SHANK2: variants seen among roughly 807,000 people sequenced by gnomAD.
SHANK2 encodes SH3 and multiple ankyrin repeat domains 2, also known as SH3 and multiple ankyrin repeat domains protein 2.
In SHANK2, 43 loss-of-function variants were observed where a neutral mutation model predicts 133.7. The observed-to-expected ratio is 0.32, with a 90% CI of 0.25 to 0.41. The LOEUF (loss-of-function observed/expected upper bound fraction) is 0.41. SHANK2 is among the 10% of genes least tolerant of loss of function. SHANK2 has a pLI of 1.00. For missense variants in SHANK2, 1,994 were observed against 2,235.8 expected, an observed-to-expected ratio of 0.89 and a Z score of 2.18; for synonymous variants, 1,017 against 952.8, an observed-to-expected ratio of 1.07 and a Z score of -1.24.
chr11:70,599,905 G>GAAAGAAAAAGAAAGAAAGAGAA (rs1466206835), intron 17 of SHANK2, among the ~76,000 whole-genome samples: 71 of 73,750 alleles, frequency 9.6e-4, no homozygotes, highest in East Asian at 4.9e-3. Flanking sequence ...AAGAAAGAAA[G>GAAAGAAAAAGAAAGAAAGAGAA]AGAAAGAAAG....
chr11:71,140,655 T>C (rs1213821774), intron 3 of SHANK2, among the ~76,000 whole-genome samples: 4 of 152,318 alleles, frequency 2.6e-5, no homozygotes, highest in South Asian at 2.1e-4. Flanking sequence ...AATGGGCCCC[T>C]TGTGGCTGCT....
intron 10 of SHANK2, among the ~76,000 whole-genome samples, chr11:70,940,165 TCC>T (rs1950624083): frequency 6.9e-6 from 1 of 144,662 alleles, no homozygotes; most frequent in Admixed American, 6.7e-5. Context: ...TTTCCTTCCT[TCC>T]TTCCTTCCTT....
At chr11:70,656,319 G>T (rs1283335967) in intron 17 of SHANK2, among the ~76,000 whole-genome samples, 1 of 152,000 alleles carries the variant, frequency 6.6e-6, no homozygotes, top group African/African-American at 2.4e-5. Context: ...TGTCACCAGA[G>T]GGACATGGGC....
intron 11 of SHANK2, among the ~76,000 whole-genome samples, chr11:70,893,255 G>A (rs558875016): frequency 1.4e-4 from 22 of 152,344 alleles, no homozygotes; most frequent in South Asian, 2.1e-4. Context: ...GCAAAGACCC[G>A]CATGCAGGAG....
intron 10 of SHANK2, among the ~76,000 whole-genome samples, chr11:70,924,929 T>C (rs1347114736): frequency 1.3e-5 from 2 of 152,176 alleles, no homozygotes; most frequent in African/African-American, 2.4e-5. Context: ...TAACTTTGTA[T>C]TGGAAGCGTT....
At chr11:70,855,356 C>A (rs1949153061) in intron 11 of SHANK2, among the ~76,000 whole-genome samples, 1 of 152,166 alleles carries the variant, frequency 6.6e-6, no homozygotes, top group South Asian at 2.1e-4. Flanking sequence ...GCAAATTGCC[C>A]ATCAGTCTGG....
intron 17 of SHANK2, among the ~76,000 whole-genome samples, chr11:70,659,339 G>A (rs542130641): frequency 2.0e-5 from 3 of 152,104 alleles, no homozygotes; most frequent in East Asian, 1.9e-4. Context: ...GAAGGCCATC[G>A]TCCATCTGAT....
Position 70,648,719 on chromosome 11 carries a change from C to G in SHANK2, c.2061+11109G>C, listed in dbSNP as rs1247380838. Among the ~76,000 whole-genome samples, 4 of 152,200 alleles carry G rather than the reference C, an allele frequency of 2.6e-5. No individual in the cohort carries two copies. The East Asian group carries it at 7.7e-4, about 29-fold the overall frequency. ...TGTAAATGAATCCACCCCTCCACCT[C>G]CATCAGCTTTTCAAGTTCAGGCCCT... On this transcript the variant is annotated intron_variant, in intron 17 of 25. Transcript: ENST00000601538.
intron 15 of SHANK2, among the ~76,000 whole-genome samples, chr11:70,682,964 C>T (rs1454167094): frequency 6.6e-6 from 1 of 151,952 alleles, no homozygotes; most frequent in South Asian, 2.1e-4. Context: ...AAGTCTAAGG[C>T]AGATTGGCTG....
chr11:71,167,554 C>T (rs1555111236), intron 2 of SHANK2, among the ~76,000 whole-genome samples: 6 of 127,060 alleles, frequency 4.7e-5, no homozygotes, highest in South Asian at 5.7e-4. Flanking sequence ...GACCCCCCCA[C>T]CTCCCTCCCG....
chr11:70,751,849 T>C (rs1241813383), intron 14 of SHANK2, among the ~76,000 whole-genome samples: 7 of 147,660 alleles, frequency 4.7e-5, no homozygotes, highest in Non-Finnish European at 3.0e-5. Context: ...CTAATTGCTT[T>C]AATAAAAAAA....
intron 14 of SHANK2, among the ~76,000 whole-genome samples, chr11:70,770,805 A>G (rs1167502662): frequency 6.6e-6 from 1 of 151,566 alleles, no homozygotes; most frequent in Non-Finnish European, 1.5e-5. Flanking sequence ...CCTCTCCGAC[A>G]CACAGAGTGC....
At chr11:70,736,653 T>C (rs1358620770) in intron 14 of SHANK2, among the ~76,000 whole-genome samples, 1 of 152,170 alleles carries the variant, frequency 6.6e-6, no homozygotes, top group African/African-American at 2.4e-5. Flanking sequence ...ATTGGACTTC[T>C]GGACTCCTGA....
At chr11:70,497,835 C>T (rs542739834) in intron 21 of SHANK2, among the ~76,000 whole-genome samples, 2 of 152,374 alleles carry the variant, frequency 1.3e-5, no homozygotes, top group Admixed American at 6.5e-5. Flanking sequence ...CACCCAGGCA[C>T]CTGGTGGCTG....
intron 2 of SHANK2, among the ~76,000 whole-genome samples, chr11:71,193,871 G>A (rs1169824914): frequency 6.6e-6 from 1 of 152,188 alleles, no homozygotes; most frequent in Non-Finnish European, 1.5e-5. Flanking sequence ...GTCTTCTAAG[G>A]ACACCAGTCA....
intron 6 of SHANK2, among the ~76,000 whole-genome samples, chr11:71,095,001 T>G (rs1951581365): frequency 6.6e-6 from 1 of 152,204 alleles, no homozygotes; most frequent in South Asian, 2.1e-4. Context: ...GTACACAGAA[T>G]CCTGTGGTAC....
chr11:70,650,763 T>C (rs536037265), intron 17 of SHANK2, among the ~76,000 whole-genome samples: 3 of 152,342 alleles, frequency 2.0e-5, no homozygotes, highest in South Asian at 4.1e-4. Flanking sequence ...CAACACCATC[T>C]TTCATGAAGC....
intron 9 of SHANK2, among the ~76,000 whole-genome samples, chr11:71,063,457 C>A (rs1951012028): frequency 6.6e-6 from 1 of 152,216 alleles, no homozygotes; most frequent in Non-Finnish European, 1.5e-5. Context: ...TGTGTGTTTG[C>A]AGTTCAAAAT....
At chr11:70,555,895 C>G (rs1191642396) in intron 17 of SHANK2, among the ~76,000 whole-genome samples, 1 of 152,260 alleles carries the variant, frequency 6.6e-6, no homozygotes, top group Non-Finnish European at 1.5e-5. Context: ...GGCCCTAACT[C>G]TCTTCAAGTC....
Sources: allele counts gnomAD v4.1 joint callset (sites outside exome capture counted in the v4.1 genomes callset), GRCh38; gene constraint gnomAD v4.1.1; transcripts MANE v1.5; gene names NCBI Gene and HGNC (gene_info 2026-07-23, HGNC 2026-07-21).